UBE2E3: variants seen among roughly 807,000 people sequenced by gnomAD.
UBE2E3 encodes the protein ubiquitin-conjugating enzyme E2 E3.
UBE2E3 carries 5 observed loss-of-function variants against 23.6 expected under a neutral mutation model. The observed-to-expected ratio is 0.21, with a 90% CI of 0.11 to 0.44. The LOEUF is 0.44. Among genes scored for constraint, UBE2E3 ranks in the 20% least tolerant of loss-of-function variants. The pLI, the probability that UBE2E3 is intolerant of heterozygous loss-of-function variation, is 0.99. For synonymous variants in UBE2E3, 78 were observed against 87.5 expected (o/e 0.89, Z 0.60); for missense variants, 81 against 249.8 (o/e 0.32, Z 4.55).
At chr2:181,055,323 A>G (rs1273977227) in intron 3 of UBE2E3, among the ~76,000 whole-genome samples, 1 of 151,772 alleles carries the variant, frequency 6.6e-6, no homozygotes, top group Non-Finnish European at 1.5e-5. Context: ...AGAAGGAAAA[A>G]TGGATGATGA....
At position 181,034,566 on chromosome 2, in the gene UBE2E3, C is replaced by T. The variant is rs138590616; in HGVS notation, c.246-23127C>T. On this transcript the variant is annotated intron_variant, in intron 3 of 5. Coordinates refer to ENST00000410062, the MANE Select transcript of UBE2E3 (RefSeq NM_006357.4). ...CGGGGAGAGATAGCATTAGGAGATA[C>T]ACCTAATGTAAATGACAAGTTAATG... 7.2e-3 allele frequency among the ~76,000 whole-genome samples: 1,097 copies of T among 152,210 alleles called. 17 individuals carry two copies. The highest frequency in any genetic ancestry group is 8.1e-3 in the Non-Finnish European group (553 of 68,014).
chr2:181,022,200 A>G (rs922908448), intron 3 of UBE2E3, among the ~76,000 whole-genome samples: 1 of 152,108 alleles, frequency 6.6e-6, no homozygotes, highest in African/African-American at 2.4e-5. Flanking sequence ...TTTTTTATGA[A>G]TGTTAATAGT....
chr2:181,031,621 C>G (rs1168012874), intron 3 of UBE2E3, among the ~76,000 whole-genome samples: 2 of 152,084 alleles, frequency 1.3e-5, no homozygotes, highest in Non-Finnish European at 2.9e-5. Context: ...TTTTCTCTTT[C>G]TGCGCCCCTC....
chr2:181,025,176 T>C (rs1685845840), intron 3 of UBE2E3, among the ~76,000 whole-genome samples: 1 of 151,892 alleles, frequency 6.6e-6, no homozygotes, highest in South Asian at 2.1e-4. Context: ...TTAGAGTGGG[T>C]CTTGGCATTT....
intron 3 of UBE2E3, among the ~76,000 whole-genome samples, chr2:181,049,322 T>C (rs1686759892): frequency 6.6e-6 from 1 of 152,096 alleles, no homozygotes; most frequent in South Asian, 2.1e-4. Flanking sequence ...CACCCACAGT[T>C]TATCCTGGCA....
In UBE2E3 at chr2:181,004,405, A is replaced by G. The variant is rs1685078171; in HGVS notation, c.245+20312A>G. Among the ~76,000 whole-genome samples, 7 of 152,066 alleles carry G rather than the reference A, an allele frequency of 4.6e-5. No individual in the cohort carries two copies. The South Asian group carries it at 1.4e-3, about 31-fold the overall frequency. ...ATCCCAGCACTTTGGGAGGCTGAGGAGGGCAGATCACGAGGTCAAGAGATC... is the reference window on the plus strand; with the variant it reads ...ATCCCAGCACTTTGGGAGGCTGAGGGGGGCAGATCACGAGGTCAAGAGATC... On this transcript the variant is annotated intron_variant, in intron 3 of 5. Transcript: ENST00000410062.
At chr2:180,999,991 G>A (rs1684944449) in intron 3 of UBE2E3, among the ~76,000 whole-genome samples, 1 of 152,176 alleles carries the variant, frequency 6.6e-6, no homozygotes. Context: ...TTTTGAAAGT[G>A]GTTCTGGCCC....
chr2:181,022,020 G>A (rs1685718200), intron 3 of UBE2E3, among the ~76,000 whole-genome samples: 1 of 151,956 alleles, frequency 6.6e-6, no homozygotes, highest in Admixed American at 6.6e-5. Context: ...CTTTTGTGAA[G>A]GTAAAATAAT....
chr2:181,002,825 C>T (rs1471545478), intron 3 of UBE2E3, among the ~76,000 whole-genome samples: 1 of 152,100 alleles, frequency 6.6e-6, no homozygotes, highest in Non-Finnish European at 1.5e-5. Flanking sequence ...ATCTTTTGTT[C>T]CCTCTTACCT....
At chr2:181,025,658 T>C (rs889286171) in intron 3 of UBE2E3, among the ~76,000 whole-genome samples, 1 of 151,950 alleles carries the variant, frequency 6.6e-6, no homozygotes, top group Non-Finnish European at 1.5e-5. Context: ...AGGGCCATTA[T>C]TAATTTTGTA....
intron 3 of UBE2E3, among the ~76,000 whole-genome samples, chr2:181,031,053 C>T (rs990098673): frequency 6.6e-6 from 1 of 151,972 alleles, no homozygotes; most frequent in Admixed American, 6.6e-5. Context: ...TAATTTTTAG[C>T]TTTTCTTCTG....
At chr2:181,062,653 A>G (rs1330552484) in intron 5 of UBE2E3, 138 bp from the exon 6 acceptor site, 1 of 418,992 alleles carries the variant, frequency 2.4e-6, no homozygotes, top group East Asian at 3.6e-5. Flanking sequence ...GTTACTTTAA[A>G]CTTTTTCTTT....
chr2:181,010,726 A>T (rs1685299582), intron 3 of UBE2E3, among the ~76,000 whole-genome samples: 1 of 152,148 alleles, frequency 6.6e-6, no homozygotes, highest in Non-Finnish European at 1.5e-5. Context: ...TGATACAATC[A>T]ATTTAGGGGC....
chr2:181,029,549 A>G (rs1205858326), intron 3 of UBE2E3, among the ~76,000 whole-genome samples: 1 of 151,824 alleles, frequency 6.6e-6, no homozygotes, highest in Non-Finnish European at 1.5e-5. Flanking sequence ...ATGCTTTTGT[A>G]AGTTTTATCT....
chr2:181,026,221 T>G (rs1005626831), intron 3 of UBE2E3, among the ~76,000 whole-genome samples: 1 of 151,948 alleles, frequency 6.6e-6, no homozygotes, highest in Non-Finnish European at 1.5e-5. Flanking sequence ...AGCTAATACT[T>G]TAGATATTCT....
Position 181,048,316 on chromosome 2 carries a change from A to C in UBE2E3, c.246-9377A>C, listed in dbSNP as rs570755056. On this transcript the variant is annotated intron_variant, in intron 3 of 5. Coordinates refer to ENST00000410062, the MANE Select transcript of UBE2E3 (RefSeq NM_006357.4). ...TTTCTTGTACAGATTCCTAGCCCCA[A>C]ATCGTAGACACTCAATAACTCCTTA... Among the ~76,000 whole-genome samples the C allele has an allele frequency of 3.3e-5, 5 of 152,266 alleles. No homozygotes were observed. In the South Asian group the frequency reaches 1.0e-3, roughly 32 times the overall value.
intron 3 of UBE2E3, among the ~76,000 whole-genome samples, chr2:181,019,107 G>T (rs1685591480): frequency 6.6e-6 from 1 of 152,164 alleles, no homozygotes; most frequent in African/African-American, 2.4e-5. Flanking sequence ...GGGACTACAG[G>T]CATGTGCCAC....
intron 3 of UBE2E3, among the ~76,000 whole-genome samples, chr2:181,022,053 AT>A (rs1685719791): frequency 6.6e-6 from 1 of 152,198 alleles, no homozygotes; most frequent in Admixed American, 6.5e-5. Flanking sequence ...CATTTTGGAA[AT>A]TGTAAAATGC....
At chr2:181,033,388 T>C (rs12620004) in intron 3 of UBE2E3, among the ~76,000 whole-genome samples, 58,941 of 151,922 alleles carry the variant, frequency 0.39, 12,124 homozygotes, top group East Asian at 0.57. Flanking sequence ...CATCTACAAC[T>C]ATCTGATCTT....
Sources: gnomAD v4.1 joint callset for allele counts (sites outside exome capture counted in the v4.1 genomes callset) on GRCh38, gnomAD v4.1.1 for gene constraint, MANE v1.5 for transcripts, NCBI Gene and HGNC (gene_info 2026-07-23, HGNC 2026-07-21) for gene names.